Variants in ADGRL4 observed in about 807,000 individuals in gnomAD.
ADGRL4 encodes adhesion G protein-coupled receptor L4, also known as EGF, latrophilin and seven transmembrane domain containing 1.
ADGRL4 carries 90 observed loss-of-function variants against 74.8 expected under a neutral mutation model. The observed-to-expected ratio is 1.20, with a 90% CI of 1.02 to 1.43. The LOEUF is 1.43. ADGRL4 is among the 40% of genes most tolerant of loss of function. The pLI is 0.00. For missense variants in ADGRL4, 881 were observed against 814.3 expected (o/e 1.08, Z -1.00); for synonymous variants, 311 against 279.2 (o/e 1.11, Z -1.14).
intron 12 of ADGRL4, among the ~76,000 whole-genome samples, chr1:78,908,812 G>A (rs1056396733): frequency 2.6e-5 from 4 of 151,770 alleles, no homozygotes; most frequent in African/African-American, 9.7e-5. Flanking sequence ...ATATTTTTTG[G>A]ATTTCTAATT....
Position 78,889,878 on chromosome 1 carries a change from G to A in ADGRL4, c.*1276C>T, listed in dbSNP as rs1480179404. 2.3e-5 allele frequency: 10 copies of A among 442,766 alleles called. No homozygotes were observed. Among genetic ancestry groups the A allele is most frequent in the Non-Finnish European group, 4.7e-5 (10 of 214,690 alleles). 27.4% of individuals were successfully genotyped at this position (442,766 alleles called of 1,614,324 possible). A position where few individuals can be genotyped will look rare whatever the true frequency, so the allele number is the denominator to read the frequency against. On this transcript the variant is annotated 3_prime_UTR_variant, in exon 15 of 15. Transcript: ENST00000370742. ...GTGTATTGGCACACTTTTACAGGTC[G>A]GCAAAGAAAAATTACCTATTTTTGA... is the stretch of plus-strand genomic sequence containing the variant.
At chr1:79,003,949 G>A (rs147815908) in intron 2 of ADGRL4, among the ~76,000 whole-genome samples, 34 of 151,832 alleles carry the variant, frequency 2.2e-4, no homozygotes, top group Non-Finnish European at 1.6e-4. Context: ...AAGCAGAAGC[G>A]CCTGATTTAA....
chr1:78,930,566 T>G (rs1292225900), intron 7 of ADGRL4, among the ~76,000 whole-genome samples: 3 of 148,358 alleles, frequency 2.0e-5, no homozygotes, highest in Non-Finnish European at 4.4e-5. Context: ...ATTCTCTGCC[T>G]CAGCCACCTG....
chr1:78,894,674 A>C (rs1648356912), intron 12 of ADGRL4, among the ~76,000 whole-genome samples: 2 of 151,894 alleles, frequency 1.3e-5, no homozygotes, highest in Admixed American at 1.3e-4. Flanking sequence ...ATATATTTAC[A>C]AATAAGAGTT....
chr1:78,997,429 A>G (rs1219925419), intron 2 of ADGRL4, among the ~76,000 whole-genome samples: 1 of 152,204 alleles, frequency 6.6e-6, no homozygotes, highest in Non-Finnish European at 1.5e-5. Flanking sequence ...GCAGCTTTGT[A>G]TCTTGATACC....
chr1:78,899,502 C>T (rs1012932997), intron 12 of ADGRL4, among the ~76,000 whole-genome samples: 2 of 152,066 alleles, frequency 1.3e-5, no homozygotes, highest in African/African-American at 2.4e-5. Context: ...CACAGGTGCA[C>T]ACCACCATAC....
intron 2 of ADGRL4, among the ~76,000 whole-genome samples, chr1:78,992,524 A>T (rs1650626022): frequency 1.3e-5 from 2 of 152,134 alleles, no homozygotes. Context: ...CAAGTGTTAG[A>T]GTTTGTTCCC....
At chr1:78,918,204 A>C (rs1244324403) in intron 10 of ADGRL4, among the ~76,000 whole-genome samples, 154 bp from the exon 11 acceptor site, 1 of 151,904 alleles carries the variant, frequency 6.6e-6, no homozygotes, top group African/African-American at 2.4e-5. Flanking sequence ...ATACCATGTC[A>C]GTTCTTAAAG....
At chr1:78,924,654 G>T (rs1557499458) in intron 8 of ADGRL4, among the ~76,000 whole-genome samples, 2 of 152,058 alleles carry the variant, frequency 1.3e-5, no homozygotes, top group African/African-American at 2.4e-5. Context: ...TTCTGTCAAA[G>T]ATTTTGGAGA....
chr1:78,968,537 A>T (rs1187500102), intron 2 of ADGRL4, among the ~76,000 whole-genome samples: 1 of 150,560 alleles, frequency 6.6e-6, no homozygotes, highest in Non-Finnish European at 1.5e-5. Flanking sequence ...GTCGGCAATC[A>T]GTTCAATTAC....
chr1:78,933,490 G>T (rs550523289), intron 7 of ADGRL4, among the ~76,000 whole-genome samples: 70 of 151,416 alleles, frequency 4.6e-4, no homozygotes, highest in Non-Finnish European at 9.3e-4. Context: ...ATGGGCAAAA[G>T]CTGGAAGCAT....
chr1:78,893,554 C>T (rs1248480), intron 12 of ADGRL4, among the ~76,000 whole-genome samples: 49,416 of 151,468 alleles, frequency 0.33, 8,435 homozygotes, highest in South Asian at 0.44. Flanking sequence ...GTGATAATTC[C>T]GTGAACCCTT....
intron 2 of ADGRL4, among the ~76,000 whole-genome samples, chr1:78,974,209 A>G (rs1358148014): frequency 6.6e-6 from 1 of 152,134 alleles, no homozygotes; most frequent in Non-Finnish European, 1.5e-5. Context: ...TCTGATTTTA[A>G]ATTATTTAAT....
intron 14 of ADGRL4, 68 bp from the exon 15 acceptor site, chr1:78,891,284 T>C: frequency 6.8e-7 from 1 of 1,474,400 alleles, no homozygotes; most frequent in Non-Finnish European, 9.3e-7. Context: ...CTTTTTCAAA[T>C]CACAATAAAT....
intron 12 of ADGRL4, among the ~76,000 whole-genome samples, chr1:78,914,429 T>A (rs1472121341): frequency 6.6e-6 from 1 of 151,832 alleles, no homozygotes; most frequent in Non-Finnish European, 1.5e-5. Flanking sequence ...AATCATACGG[T>A]TTGGGTCTTT....
At chr1:78,902,657 T>C (rs1307481881) in intron 12 of ADGRL4, among the ~76,000 whole-genome samples, 1 of 152,186 alleles carries the variant, frequency 6.6e-6, no homozygotes, top group Non-Finnish European at 1.5e-5. Context: ...CAGACATTTA[T>C]TTACATGCAT....
chr1:78,898,997 A>G (rs566411641), intron 12 of ADGRL4, among the ~76,000 whole-genome samples: 7 of 152,312 alleles, frequency 4.6e-5, no homozygotes, highest in Non-Finnish European at 1.0e-4. Flanking sequence ...CTTCAAAATG[A>G]AGCATCCCAA....
At chr1:78,989,591 T>C (rs1650564381) in intron 2 of ADGRL4, among the ~76,000 whole-genome samples, 1 of 151,666 alleles carries the variant, frequency 6.6e-6, no homozygotes, top group Admixed American at 6.6e-5. Context: ...GCCCGTTATG[T>C]GTTGTAGTTT....
chr1:79,002,119 C>T (rs921193583), intron 2 of ADGRL4, among the ~76,000 whole-genome samples: 14 of 151,884 alleles, frequency 9.2e-5, no homozygotes, highest in Non-Finnish European at 8.8e-5. Context: ...ACGTTAATTC[C>T]GCTTATAATG....
Sources: allele counts gnomAD v4.1 joint callset (sites outside exome capture counted in the v4.1 genomes callset), GRCh38; gene constraint gnomAD v4.1.1; transcripts MANE v1.5; gene names NCBI Gene and HGNC (gene_info 2026-07-23, HGNC 2026-07-21).